The following CDH10 variants were observed in gnomAD, a reference collection of about 807,000 sequenced individuals.
CDH10 encodes the protein cadherin-10.
Under a neutral mutation model 73.1 loss-of-function variants are expected in CDH10, and 30 were observed. That is an observed-to-expected ratio of 0.41 (90% confidence interval 0.31 to 0.56). The LOEUF (loss-of-function observed/expected upper bound fraction) is 0.56. CDH10 is among the 20% of genes least tolerant of loss of function. The probability of loss-of-function intolerance (pLI) is 0.27; values close to 1 mark genes in which losing one functional copy is unlikely to be tolerated. For missense variants in CDH10, 815 were observed against 973.7 expected (o/e 0.84, Z 2.17); for synonymous variants, 345 against 348.2 (o/e 0.99, Z 0.10).
intron 2 of CDH10, among the ~76,000 whole-genome samples, chr5:24,556,430 T>C (rs35055213): frequency 0.27 from 41,376 of 151,830 alleles, 5,922 homozygotes; most frequent in Admixed American, 0.31. Flanking sequence ...TTTATATTAA[T>C]AAATAAAATG....
rs143329271 is a variant in CDH10 at position 24,487,213 on chromosome 5, G to T, written c.*450C>A. 1 of 153,346 alleles carries T rather than the reference G, an allele frequency of 6.5e-6. No homozygotes were observed. Among genetic ancestry groups the T allele is most frequent in the African/African-American group, 2.4e-5 (1 of 41,542 alleles). The allele number at this position is 153,346 out of a possible 1,614,324, so 9.5% of individuals were successfully genotyped here. A position where few individuals can be genotyped will look rare whatever the true frequency, so the allele number is the denominator to read the frequency against. ...TGCACAAATGTCTGTATACCAGGTT[G>T]CATATCACACCTACTAACATCACAT... On this transcript the variant is annotated 3_prime_UTR_variant, in exon 12 of 12. Transcript: ENST00000264463.
At position 24,526,046 on chromosome 5, in the gene CDH10, AC is replaced by A. The variant is rs1313626014; in HGVS notation, c.814+9065del. Among the ~76,000 whole-genome samples, 3 of 152,202 alleles carry A rather than the reference AC, an allele frequency of 2.0e-5. No individual in the cohort carries two copies. The East Asian group carries it at 5.8e-4, about 29-fold the overall frequency. On this transcript the variant is annotated intron_variant, in intron 5 of 11. Transcript: ENST00000264463. Reference sequence around the variant, plus strand: ...AAATATATTGTCCTAGGTATTCTTTACAATGGATCTCACCTGAAATTGTAAG... The same window carrying A: ...AAATATATTGTCCTAGGTATTCTTTAAATGGATCTCACCTGAAATTGTAAG...
chr5:24,551,784 T>G (rs1744555731), intron 2 of CDH10, among the ~76,000 whole-genome samples: 1 of 152,162 alleles, frequency 6.6e-6, no homozygotes, highest in Non-Finnish European at 1.5e-5. Context: ...GAACCTTCTA[T>G]CTGTTCCATT....
chr5:24,498,903 GT>G (rs1237066486), intron 8 of CDH10, among the ~76,000 whole-genome samples: 5 of 151,898 alleles, frequency 3.3e-5, no homozygotes, highest in South Asian at 2.1e-4. Context: ...TGAAGAAATA[GT>G]TTTTTTTGTT....
At chr5:24,582,880 A>T (rs966341530) in intron 2 of CDH10, among the ~76,000 whole-genome samples, 1 of 152,196 alleles carries the variant, frequency 6.6e-6, no homozygotes, top group Non-Finnish European at 1.5e-5. Context: ...GATGTGGAAA[A>T]ATAGTTACTT....
chr5:24,570,897 C>T (rs1745355823), intron 2 of CDH10, among the ~76,000 whole-genome samples: 1 of 151,940 alleles, frequency 6.6e-6, no homozygotes, highest in African/African-American at 2.4e-5. Flanking sequence ...CCCGGCTAGA[C>T]TCACTTCAGT....
intron 8 of CDH10, among the ~76,000 whole-genome samples, chr5:24,500,106 G>A (rs1384748593): frequency 6.6e-6 from 1 of 152,116 alleles, no homozygotes; most frequent in East Asian, 1.9e-4. Context: ...TTTATCTGAC[G>A]TCTTAAGGTA....
chr5:24,521,236 C>T (rs6892722), intron 5 of CDH10, among the ~76,000 whole-genome samples: 73,270 of 151,684 alleles, frequency 0.48, 17,754 homozygotes, highest in East Asian at 0.58. Flanking sequence ...CAAGCTCACG[C>T]TAAATATGTT....
intron 2 of CDH10, among the ~76,000 whole-genome samples, chr5:24,547,307 C>G (rs1269732756): frequency 6.6e-6 from 1 of 152,114 alleles, no homozygotes; most frequent in Non-Finnish European, 1.5e-5. Context: ...CACAGAAAAT[C>G]ATATTGCCAG....
chr5:24,529,583 T>C (rs1197608282), intron 5 of CDH10, among the ~76,000 whole-genome samples: 1 of 152,038 alleles, frequency 6.6e-6, no homozygotes, highest in Non-Finnish European at 1.5e-5. Flanking sequence ...AATAAATTCA[T>C]TCTTTTGCGT....
intron 1 of CDH10, among the ~76,000 whole-genome samples, chr5:24,624,252 T>C (rs1747414972): frequency 6.6e-6 from 1 of 152,198 alleles, no homozygotes; most frequent in Non-Finnish European, 1.5e-5. Context: ...ATTCACATTG[T>C]ATTGTCTGAT....
At chr5:24,632,890 T>G (rs549817481) in intron 1 of CDH10, among the ~76,000 whole-genome samples, 4 of 151,772 alleles carry the variant, frequency 2.6e-5, no homozygotes, top group South Asian at 4.2e-4. Context: ...CAGGTTTTGA[T>G]GATGATGATG....
At chr5:24,619,401 G>C (rs1271554580) in intron 1 of CDH10, among the ~76,000 whole-genome samples, 1 of 152,070 alleles carries the variant, frequency 6.6e-6, no homozygotes, top group Admixed American at 6.6e-5. Flanking sequence ...CACCGTGTTA[G>C]CCAGGATGGT....
rs1180343287 is a variant in CDH10 at position 24,510,084 on chromosome 5, CTATTTTAAAGGTGGTACCATTACAAA to C, written c.1003-291_1003-266del. 2.6e-5 allele frequency among the ~76,000 whole-genome samples: 4 copies of C among 152,236 alleles called. No homozygotes were observed. In the East Asian group the frequency reaches 7.7e-4, roughly 29 times the overall value. On this transcript the variant is annotated intron_variant, in intron 6 of 11. Coordinates refer to ENST00000264463, the MANE Select transcript of CDH10 (RefSeq NM_006727.5). ...GAAAAATTGGGATGGAAGCTGAAACCTATTTTAAAGGTGGTACCATTACAAAAAATGGGCTAATGGATGTTGCATGT... is the reference window on the plus strand; with the variant it reads ...GAAAAATTGGGATGGAAGCTGAAACCAAATGGGCTAATGGATGTTGCATGT...
chr5:24,506,355 T>C (rs576743507), intron 7 of CDH10, among the ~76,000 whole-genome samples: 9 of 152,180 alleles, frequency 5.9e-5, no homozygotes, highest in Non-Finnish European at 1.3e-4. Flanking sequence ...CAACTACATA[T>C]CTAACATTCA....
At chr5:24,590,469 G>A (rs1423606655) in intron 2 of CDH10, among the ~76,000 whole-genome samples, 1 of 151,830 alleles carries the variant, frequency 6.6e-6, no homozygotes, top group South Asian at 2.1e-4. Context: ...AGAAAATGAA[G>A]GCCAAGAGAA....
chr5:24,633,911 T>G (rs1747786331), intron 1 of CDH10, among the ~76,000 whole-genome samples: 1 of 151,854 alleles, frequency 6.6e-6, no homozygotes, highest in African/African-American at 2.4e-5. Context: ...ATTCTCAACA[T>G]GACCACAAGG....
chr5:24,554,753 G>C (rs898758682), intron 2 of CDH10, among the ~76,000 whole-genome samples: 2 of 151,956 alleles, frequency 1.3e-5, no homozygotes, highest in African/African-American at 4.8e-5. Context: ...TATCCTTGTG[G>C]TTTTAAAATC....
chr5:24,574,034 G>A (rs1305329651), intron 2 of CDH10, among the ~76,000 whole-genome samples: 1 of 151,460 alleles, frequency 6.6e-6, no homozygotes, highest in East Asian at 2.0e-4. Context: ...ACAGGCGCCT[G>A]CCACCACACC....
Sources: allele counts gnomAD v4.1 joint callset (sites outside exome capture counted in the v4.1 genomes callset), GRCh38; gene constraint gnomAD v4.1.1; transcripts MANE v1.5; gene names NCBI Gene and HGNC (gene_info 2026-07-23, HGNC 2026-07-21).